The following CDC42BPA variants were observed in gnomAD, a reference collection of about 807,000 sequenced individuals.
CDC42BPA encodes the protein serine/threonine-protein kinase MRCK alpha.
CDC42BPA carries 80 observed loss-of-function variants against 223.5 expected under a neutral mutation model. The observed-to-expected ratio is 0.36, with a 90% CI of 0.30 to 0.43. The LOEUF (loss-of-function observed/expected upper bound fraction) is 0.43, where lower values mean the gene tolerates loss of function less well. Ranked by LOEUF, CDC42BPA falls within the 20% of genes least tolerant of loss-of-function variation. CDC42BPA has a pLI of 1.00. For synonymous variants in CDC42BPA, 694 were observed against 718.6 expected, an observed-to-expected ratio of 0.97 and a Z score of 0.55; for missense variants, 1,743 against 2,099.9, an observed-to-expected ratio of 0.83 and a Z score of 3.32.
chr1:227,208,801 C>G (rs1449135353), intron 3 of CDC42BPA, among the ~76,000 whole-genome samples: 1 of 152,186 alleles, frequency 6.6e-6, no homozygotes, highest in Non-Finnish European at 1.5e-5. Flanking sequence ...ATGCCTCCAG[C>G]TTTGTTCTTT....
At chr1:227,168,497 G>GTTTTTTTTTTTGTTTTTTTTTT (rs1665481877) in intron 5 of CDC42BPA, among the ~76,000 whole-genome samples, 1 of 80,196 alleles carries the variant, frequency 1.2e-5, no homozygotes, top group African/African-American at 5.0e-5. Flanking sequence ...CTTCCCTGGT[G>GTTTTTTTTTTTGTTTTTTTTTT]TTTTTTTTTT....
rs747874058 is a variant in CDC42BPA at position 227,033,289 on chromosome 1, T to G, written c.3558+45A>C. On this transcript the variant is annotated intron_variant, in intron 27 of 36. Transcript: ENST00000366766. ...ATATAGGGAGGCAAAATATACTCATTAAAAACACATAATTCAGTGATCAAA... is the reference window on the plus strand; with the variant it reads ...ATATAGGGAGGCAAAATATACTCATGAAAAACACATAATTCAGTGATCAAA... 9.0e-6 allele frequency: 12 copies of G among 1,328,032 alleles called. No homozygotes were observed. The East Asian group carries it at 2.5e-4, about 28-fold the overall frequency. The allele number at this position is 1,328,032 out of a possible 1,614,324, so 82.3% of individuals were successfully genotyped here.
intron 1 of CDC42BPA, among the ~76,000 whole-genome samples, chr1:227,275,239 T>TAAAAAA: frequency 1.3e-5 from 1 of 75,644 alleles, no homozygotes; most frequent in Non-Finnish European, 2.8e-5. Flanking sequence ...AAATAAAAAT[T>TAAAAAA]AGAAAGCAGA....
chr1:227,285,130 C>T (rs971419996), intron 1 of CDC42BPA, among the ~76,000 whole-genome samples: 6 of 152,260 alleles, frequency 3.9e-5, no homozygotes, highest in Non-Finnish European at 1.5e-5. Flanking sequence ...TACAAACTAT[C>T]TACACAGTTT....
At chr1:227,069,995 A>G in intron 20 of CDC42BPA, 142 bp from the exon 21 acceptor site, 1 of 504,076 alleles carries the variant, frequency 2.0e-6, no homozygotes, top group South Asian at 3.7e-5. Flanking sequence ...CTCTACATTT[A>G]AACAAAACTA....
At chr1:227,286,552 T>A (rs1342168233) in intron 1 of CDC42BPA, among the ~76,000 whole-genome samples, 1 of 152,210 alleles carries the variant, frequency 6.6e-6, no homozygotes, top group Non-Finnish European at 1.5e-5. Context: ...TCCTATCATC[T>A]TCTTAGCCCT....
intron 10 of CDC42BPA, among the ~76,000 whole-genome samples, chr1:227,129,658 C>T (rs1468848407): frequency 2.1e-5 from 1 of 47,748 alleles, no homozygotes; most frequent in Non-Finnish European, 3.7e-5. Flanking sequence ...CAAAGTGAGA[C>T]TGTATCTCAA....
At chr1:227,288,556 G>A (rs149710219) in intron 1 of CDC42BPA, among the ~76,000 whole-genome samples, 11 of 152,080 alleles carry the variant, frequency 7.2e-5, no homozygotes, top group East Asian at 3.9e-4. Context: ...AAAATTAGCC[G>A]GGCGTGGTGC....
At chr1:227,212,561 CA>C (rs1269090737) in intron 3 of CDC42BPA, among the ~76,000 whole-genome samples, 1 of 152,046 alleles carries the variant, frequency 6.6e-6, no homozygotes, top group Non-Finnish European at 1.5e-5. Flanking sequence ...CTATGTGTGA[CA>C]GCAGTTCTGA....
chr1:227,038,197 T>A (rs371646657), intron 24 of CDC42BPA, among the ~76,000 whole-genome samples: 1 of 151,872 alleles, frequency 6.6e-6, no homozygotes, highest in African/African-American at 2.4e-5. Flanking sequence ...GATGGTTTTA[T>A]AAAGGGGAGT....
intron 10 of CDC42BPA, among the ~76,000 whole-genome samples, chr1:227,130,642 G>T (rs1656891802): frequency 6.6e-6 from 1 of 152,110 alleles, no homozygotes; most frequent in South Asian, 2.1e-4. Context: ...ATCACCTGAG[G>T]TTGGGAGTTT....
At chr1:227,159,007 T>C (rs1021887011) in intron 6 of CDC42BPA, among the ~76,000 whole-genome samples, 1 of 152,168 alleles carries the variant, frequency 6.6e-6, no homozygotes, top group African/African-American at 2.4e-5. Flanking sequence ...AGTTCATTTA[T>C]GTCAGGGATA....
intron 28 of CDC42BPA, among the ~76,000 whole-genome samples, chr1:227,030,736 C>A (rs1669126221): frequency 1.3e-5 from 2 of 152,078 alleles, no homozygotes; most frequent in Admixed American, 1.3e-4. Context: ...CTAAGTTGTT[C>A]TACACTTATT....
At chr1:227,208,674 G>A (rs976391934) in intron 3 of CDC42BPA, among the ~76,000 whole-genome samples, 85 of 150,036 alleles carry the variant, frequency 5.7e-4, no homozygotes, top group Non-Finnish European at 1.3e-4. Context: ...GTAGATATGT[G>A]GCATTATTTC....
intron 10 of CDC42BPA, among the ~76,000 whole-genome samples, chr1:227,133,973 GAATAAATA>G (rs71179195): frequency 6.8e-5 from 10 of 146,378 alleles, no homozygotes; most frequent in East Asian, 4.0e-4. Context: ...AAAAATAAAT[GAATAAATA>G]AATAAATAAA....
chr1:227,130,304 A>C (rs1656808316), intron 10 of CDC42BPA, among the ~76,000 whole-genome samples: 1 of 152,086 alleles, frequency 6.6e-6, no homozygotes. Flanking sequence ...GTGTGTGTAA[A>C]CCATAATCCC....
intron 23 of CDC42BPA, among the ~76,000 whole-genome samples, chr1:227,042,297 G>GAGAGATATATATATAT (rs922408596): frequency 6.8e-6 from 1 of 147,608 alleles, no homozygotes; most frequent in Non-Finnish European, 1.5e-5. Flanking sequence ...ATACATATAT[G>GAGAGATATATATATAT]ATATATATAT....
intron 1 of CDC42BPA, among the ~76,000 whole-genome samples, chr1:227,316,283 TG>T (rs1367118095): frequency 2.0e-5 from 3 of 152,204 alleles, no homozygotes; most frequent in Non-Finnish European, 4.4e-5. Context: ...CTCACATCAT[TG>T]ATCTATTCCA....
intron 11 of CDC42BPA, among the ~76,000 whole-genome samples, chr1:227,128,271 T>C (rs1473013610): frequency 6.6e-6 from 1 of 152,214 alleles, no homozygotes; most frequent in Non-Finnish European, 1.5e-5. Flanking sequence ...CCCCCTTGCC[T>C]TCTTTAAATT....
Sources: gnomAD v4.1 joint callset for allele counts (sites outside exome capture counted in the v4.1 genomes callset) on GRCh38, gnomAD v4.1.1 for gene constraint, MANE v1.5 for transcripts, NCBI Gene and HGNC (gene_info 2026-07-23, HGNC 2026-07-21) for gene names.